Variants in FAM222A observed in about 807,000 individuals in gnomAD.
The protein encoded by FAM222A is family with sequence similarity 222 member A.
Under a neutral mutation model 25.8 loss-of-function variants are expected in FAM222A, and 7 were observed. That is an observed-to-expected ratio of 0.27 (90% CI 0.15 to 0.51). The LOEUF is 0.51. Among genes scored for constraint, FAM222A ranks in the 20% least tolerant of loss-of-function variants. FAM222A has a pLI of 0.97. For synonymous variants in FAM222A, 294 were observed against 298.8 expected (o/e 0.98, Z 0.17); for missense variants, 573 against 640.5 (o/e 0.89, Z 1.14).
At chr12:109,719,768 G>T (rs1241067405) in intron 1 of FAM222A, among the ~76,000 whole-genome samples, 1 of 152,140 alleles carries the variant, frequency 6.6e-6, no homozygotes, top group African/African-American at 2.4e-5. Context: ...GGGAGATTAG[G>T]AGGGTGTGCA....
At chr12:109,747,509 A>G (rs1888435505) in intron 2 of FAM222A, among the ~76,000 whole-genome samples, 1 of 152,200 alleles carries the variant, frequency 6.6e-6, no homozygotes, top group African/African-American at 2.4e-5. Context: ...CAATTTATCT[A>G]GGTCAAAACA....
intron 2 of FAM222A, among the ~76,000 whole-genome samples, chr12:109,750,249 T>C (rs899507337): frequency 6.6e-6 from 1 of 152,254 alleles, no homozygotes; most frequent in Non-Finnish European, 1.5e-5. Flanking sequence ...CTAAGAGGAA[T>C]AAAATGATGA....
chr12:109,766,739 C>T (rs55947582), intron 2 of FAM222A, among the ~76,000 whole-genome samples: 2,786 of 152,220 alleles, frequency 0.018, 75 homozygotes, highest in African/African-American at 0.063. Flanking sequence ...CTGTGCTCTG[C>T]GGGTGGGAGT....
At chr12:109,766,861 A>G (rs1023525470) in intron 2 of FAM222A, among the ~76,000 whole-genome samples, 1 of 151,664 alleles carries the variant, frequency 6.6e-6, no homozygotes, top group Non-Finnish European at 1.5e-5. Flanking sequence ...TTCCAACAGA[A>G]CTCTGCATGC....
intron 2 of FAM222A, among the ~76,000 whole-genome samples, chr12:109,746,271 G>A (rs560656598): frequency 6.6e-6 from 1 of 152,154 alleles, no homozygotes; most frequent in South Asian, 2.1e-4. Context: ...GGTGGATCAC[G>A]TGAGGTCAGG....
chr12:109,729,694 G>A (rs891695965), intron 1 of FAM222A, among the ~76,000 whole-genome samples: 10 of 152,242 alleles, frequency 6.6e-5, no homozygotes, highest in Admixed American at 4.6e-4. Flanking sequence ...GGGAGACGGC[G>A]CCGCCACCCC....
At chr12:109,723,009 G>T (rs921023967) in intron 1 of FAM222A, among the ~76,000 whole-genome samples, 1 of 150,940 alleles carries the variant, frequency 6.6e-6, no homozygotes, top group South Asian at 2.1e-4. Flanking sequence ...GGGTGGGGGG[G>T]GGAGGGGGTA....
At chr12:109,727,296 G>A (rs1389655577) in intron 1 of FAM222A, among the ~76,000 whole-genome samples, 1 of 152,126 alleles carries the variant, frequency 6.6e-6, no homozygotes, top group Non-Finnish European at 1.5e-5. Flanking sequence ...AGCGGGAATA[G>A]AGGCCCTTTT....
At chr12:109,763,996 A>G (rs1051988704) in intron 2 of FAM222A, among the ~76,000 whole-genome samples, 16 of 152,052 alleles carry the variant, frequency 1.1e-4, no homozygotes, top group Admixed American at 2.0e-4. Context: ...TTGAGACACC[A>G]AGGTGGGAGG....
At chr12:109,716,252 C>G (rs1230951313) in intron 1 of FAM222A, among the ~76,000 whole-genome samples, 4 of 152,194 alleles carry the variant, frequency 2.6e-5, no homozygotes, top group African/African-American at 7.2e-5. Flanking sequence ...TGGGATTCGT[C>G]TAGGTCCCTT....
At chr12:109,765,375 G>A (rs564867719) in intron 2 of FAM222A, among the ~76,000 whole-genome samples, 2 of 152,284 alleles carry the variant, frequency 1.3e-5, no homozygotes, top group South Asian at 2.1e-4. Context: ...AGTGAGAGCC[G>A]CTTTCCTGCA....
At chr12:109,730,647 G>C (rs1011372493) in intron 1 of FAM222A, among the ~76,000 whole-genome samples, 3 of 152,194 alleles carry the variant, frequency 2.0e-5, no homozygotes, top group Admixed American at 2.0e-4. Context: ...TTGCGTGGGC[G>C]TGTGTCTGGT....
intron 2 of FAM222A, among the ~76,000 whole-genome samples, chr12:109,747,276 G>C (rs1210649033): frequency 1.3e-5 from 2 of 152,114 alleles, no homozygotes; most frequent in African/African-American, 4.8e-5. Context: ...ATATGTTTTA[G>C]TGGAGACGGG....
At chr12:109,759,828 C>T (rs1450848938) in intron 2 of FAM222A, among the ~76,000 whole-genome samples, 1 of 152,234 alleles carries the variant, frequency 6.6e-6, no homozygotes, top group East Asian at 1.9e-4. Flanking sequence ...ATCCATGGGA[C>T]GCTTTCCAAG....
intron 1 of FAM222A, among the ~76,000 whole-genome samples, chr12:109,726,735 CG>C (rs1380393912): frequency 6.6e-6 from 1 of 152,112 alleles, no homozygotes; most frequent in Non-Finnish European, 1.5e-5. Flanking sequence ...GTGCTGTTCC[CG>C]CTTCCCTAGG....
At chr12:109,737,582 C>G (rs1888120563) in intron 1 of FAM222A, among the ~76,000 whole-genome samples, 1 of 119,472 alleles carries the variant, frequency 8.4e-6, no homozygotes, top group Admixed American at 9.1e-5. Context: ...CAGCCCCCAA[C>G]CTTAAAAAAA....
At position 109,739,671 on chromosome 12, in the gene FAM222A, A is replaced by G. The variant is rs117843794; in HGVS notation, c.-46-4430A>G. On this transcript the variant is annotated intron_variant, in intron 1 of 2. Coordinates refer to ENST00000538780, the MANE Select transcript of FAM222A (RefSeq NM_032829.3). ...GGATTTGGGCCCTGGGGAGAAGCAGACCCTTGCTTCCATCCCTCCCTGCCC... is the reference window on the plus strand; with the variant it reads ...GGATTTGGGCCCTGGGGAGAAGCAGGCCCTTGCTTCCATCCCTCCCTGCCC... Among the ~76,000 whole-genome samples the G allele has an allele frequency of 9.4e-3, 1,437 of 152,088 alleles. 9 individuals are homozygous for G. The highest frequency in any genetic ancestry group is 0.031 in the Middle Eastern group (9 of 294).
intron 2 of FAM222A, among the ~76,000 whole-genome samples, chr12:109,766,238 T>G (rs891404473): frequency 6.6e-6 from 1 of 151,936 alleles, no homozygotes; most frequent in Non-Finnish European, 1.5e-5. Flanking sequence ...CCACCACCAC[T>G]CTCCATACCC....
At chr12:109,758,647 C>G (rs1888802317) in intron 2 of FAM222A, among the ~76,000 whole-genome samples, 1 of 152,148 alleles carries the variant, frequency 6.6e-6, no homozygotes, top group Admixed American at 6.6e-5. Flanking sequence ...GCCGTCCCTG[C>G]CCCCACTCCT....
Sources: gnomAD v4.1 joint callset for allele counts (sites outside exome capture counted in the v4.1 genomes callset) on GRCh38, gnomAD v4.1.1 for gene constraint, MANE v1.5 for transcripts, NCBI Gene and HGNC (gene_info 2026-07-23, HGNC 2026-07-21) for gene names.